CTTNBP2: variants seen among roughly 807,000 people sequenced by gnomAD.
CTTNBP2 encodes cortactin binding protein 2.
A neutral mutation model predicts 156.9 loss-of-function variants in CTTNBP2; 108 were observed. That is an observed-to-expected ratio of 0.69 (90% confidence interval 0.59 to 0.81). The LOEUF (loss-of-function observed/expected upper bound fraction) is 0.81, where lower values mean the gene tolerates loss of function less well. Ranked by LOEUF, CTTNBP2 falls within the 30% of genes least tolerant of loss-of-function variation. The pLI is 0.00. For synonymous variants in CTTNBP2, 767 were observed against 751.8 expected, an observed-to-expected ratio of 1.02 and a Z score of -0.33; for missense variants, 1,924 against 2,035.4, an observed-to-expected ratio of 0.95 and a Z score of 1.05.
chr7:117,744,334 C>T (rs1231141157), intron 14 of CTTNBP2, among the ~76,000 whole-genome samples: 1 of 152,062 alleles, frequency 6.6e-6, no homozygotes, highest in Non-Finnish European at 1.5e-5. Flanking sequence ...ACACCCAACA[C>T]TACCCTTCTC....
At chr7:117,820,059 T>C (rs1000237029) in intron 2 of CTTNBP2, among the ~76,000 whole-genome samples, 3 of 152,234 alleles carry the variant, frequency 2.0e-5, no homozygotes, top group Admixed American at 1.3e-4. Context: ...GTATGCCACT[T>C]ACCACCTTGC....
chr7:117,791,944 G>A lies in CTTNBP2; in HGVS notation c.1252C>T (p.Gln418Ter). The stretch of plus-strand genomic sequence containing the variant: ...TGCATAGGTGGAGCTTGCGAGTTCT[G>A]AGGAGCTATGCCTGGTGTTTGAGCG... ...PTAQTPGIAP[Q>*]NSQAPPMHSL... Residue 418 changes from glutamine (Q) to a stop codon, truncating the protein, a stop_gained, in exon 4 of 23, where the codon CAG (glutamine) becomes TAG (stop). Coordinates refer to ENST00000160373, the MANE Select transcript of CTTNBP2 (RefSeq NM_033427.3). LOFTEE classifies it high-confidence loss of function. 1.2e-6 allele frequency: 2 copies of A among 1,614,150 alleles called. No homozygotes were observed. Among genetic ancestry groups the A allele is most frequent in the Non-Finnish European group, 1.7e-6 (2 of 1,180,032 alleles).
chr7:117,824,106 T>C (rs1019654995), intron 2 of CTTNBP2, among the ~76,000 whole-genome samples: 12 of 152,014 alleles, frequency 7.9e-5, no homozygotes, highest in Non-Finnish European at 1.6e-4. Context: ...AATTTCAACA[T>C]CTCCTGAATT....
intron 1 of CTTNBP2, among the ~76,000 whole-genome samples, chr7:117,864,141 T>G (rs1288712145): frequency 1.3e-5 from 2 of 152,146 alleles, no homozygotes. Flanking sequence ...GCAACACATG[T>G]GACCTACAGC....
At chr7:117,779,729 C>CATATATATATATAT (rs145722031) in intron 7 of CTTNBP2, among the ~76,000 whole-genome samples, 1 of 147,506 alleles carries the variant, frequency 6.8e-6, no homozygotes, top group African/African-American at 2.5e-5. Context: ...TACATCTCTG[C>CATATATATATATAT]ATATATATAT....
chr7:117,809,048 C>T (rs1016675280), intron 3 of CTTNBP2, among the ~76,000 whole-genome samples: 29 of 152,100 alleles, frequency 1.9e-4, no homozygotes, highest in Non-Finnish European at 4.4e-5. Flanking sequence ...TCCTGTATTC[C>T]CATTATACAT....
intron 3 of CTTNBP2, among the ~76,000 whole-genome samples, chr7:117,802,452 A>AC (rs1375241258): frequency 0.024 from 3,203 of 136,194 alleles, 73 homozygotes; most frequent in African/African-American, 0.07. Context: ...AAAAAAAAAA[A>AC]AAAAACAAAA....
At chr7:117,724,868 C>T (rs1795002845) in intron 18 of CTTNBP2, 136 bp from the exon 19 acceptor site, 1 of 1,144,964 alleles carries the variant, frequency 8.7e-7, no homozygotes, top group Non-Finnish European at 1.2e-6. Context: ...TGTGAACCAG[C>T]ACCAACTTTA....
intron 2 of CTTNBP2, among the ~76,000 whole-genome samples, chr7:117,834,244 A>G (rs962078231): frequency 2.0e-5 from 3 of 152,046 alleles, no homozygotes; most frequent in Non-Finnish European, 2.9e-5. Flanking sequence ...TAGTAGAGAC[A>G]GGGTTTCACC....
chr7:117,712,087 C>G (rs10279510), intron 22 of CTTNBP2, among the ~76,000 whole-genome samples: 3,012 of 152,288 alleles, frequency 0.02, 57 homozygotes, highest in African/African-American at 0.048. Flanking sequence ...AGGAAATCAC[C>G]AAATTGGAGT....
intron 8 of CTTNBP2, among the ~76,000 whole-genome samples, chr7:117,771,319 A>G (rs1260688316): frequency 6.6e-6 from 1 of 152,192 alleles, no homozygotes; most frequent in Non-Finnish European, 1.5e-5. Context: ...AAGAAAATGA[A>G]AAAAGTTTGC....
chr7:117,845,780 C>A (rs567376668), intron 2 of CTTNBP2, among the ~76,000 whole-genome samples: 1 of 152,164 alleles, frequency 6.6e-6, no homozygotes, highest in Non-Finnish European at 1.5e-5. Flanking sequence ...GATGGTGTAA[C>A]GAATGTGATC....
intron 2 of CTTNBP2, among the ~76,000 whole-genome samples, chr7:117,838,886 A>G (rs865825845): frequency 2.2e-4 from 30 of 133,392 alleles, no homozygotes; most frequent in Middle Eastern, 4.7e-3. Flanking sequence ...CCACAGTACC[A>G]TTTTATTACT....
intron 3 of CTTNBP2, among the ~76,000 whole-genome samples, chr7:117,799,372 T>G (rs1799490538): frequency 6.6e-6 from 1 of 151,912 alleles, no homozygotes; most frequent in Non-Finnish European, 1.5e-5. Context: ...AATCAATCTG[T>G]GTAACTCAAT....
chr7:117,760,554 G>A lies in CTTNBP2; in HGVS notation c.3053C>T (p.Thr1018Ile). ...AGAAGAGATTGCCTGGAAATGATTT[G>A]TCAGAGCTTGACTCACTGCTTTTGA... ...DFSKAVSQALTNHFQAISSDG... is the reference protein window; with the variant it reads ...DFSKAVSQALINHFQAISSDG... The change falls in exon 10 of 23, where the codon ACA (threonine) becomes ATA (isoleucine). Residue 1018 changes from threonine (T) to isoleucine (I), a missense_variant. Physicochemically the swap from Thr to Ile is moderately conservative, Grantham distance 89. Coordinates refer to ENST00000160373, the MANE Select transcript of CTTNBP2 (RefSeq NM_033427.3). 1 of 1,614,140 alleles carries A rather than the reference G, an allele frequency of 6.2e-7. No individual in the cohort carries two copies. The highest frequency in any genetic ancestry group is 8.5e-7 in the Non-Finnish European group (1 of 1,180,004).
intron 1 of CTTNBP2, among the ~76,000 whole-genome samples, chr7:117,864,725 CATATATTCATATATATTCATTCAAT>C (rs71150638): frequency 1.4e-3 from 127 of 91,040 alleles, no homozygotes; most frequent in Non-Finnish European, 2.5e-3. Flanking sequence ...TTCATATATA[CATATATTCATATATATTCATTCAAT>C]ATATATTCAT....
chr7:117,798,883 C>A (rs1799463533), intron 3 of CTTNBP2, among the ~76,000 whole-genome samples: 1 of 151,822 alleles, frequency 6.6e-6, no homozygotes, highest in African/African-American at 2.4e-5. Context: ...GAGGGGATAT[C>A]ACTACAGATT....
chr7:117,773,702 CACACA>C lies in CTTNBP2; in HGVS notation c.2778+3804_2778+3808del, dbSNP rs1562992536. On this transcript the variant is annotated intron_variant, in intron 8 of 22. Coordinates refer to ENST00000160373, the MANE Select transcript of CTTNBP2 (RefSeq NM_033427.3). ...ACACACACACACACACACACACACA[CACACA>C]CCCCAAAAAACAAAAAGCAGAAAAA... 7.7e-3 allele frequency among the ~76,000 whole-genome samples: 932 copies of C among 120,566 alleles called. 18 individuals are homozygous for C. Among genetic ancestry groups the C allele is most frequent in the African/African-American group, 0.024 (602 of 25,554 alleles). The allele number at this position is 120,566 out of a possible 152,430, so 79.1% of individuals were successfully genotyped here. A position where few individuals can be genotyped will look rare whatever the true frequency, so the allele number is the denominator to read the frequency against.
chr7:117,820,966 T>A (rs1030105131), intron 2 of CTTNBP2, among the ~76,000 whole-genome samples: 1 of 152,156 alleles, frequency 6.6e-6, no homozygotes, highest in African/African-American at 2.4e-5. Flanking sequence ...TTGAATATAT[T>A]TTGTTAGGTT....
Sources: gnomAD v4.1 joint callset for allele counts (sites outside exome capture counted in the v4.1 genomes callset) on GRCh38, gnomAD v4.1.1 for gene constraint, MANE v1.5 for transcripts, NCBI Gene and HGNC (gene_info 2026-07-23, HGNC 2026-07-21) for gene names.